The following AKAP19 variants were observed in gnomAD, a reference collection of about 807,000 sequenced individuals.
AKAP19 encodes A-kinase anchoring protein 19.
the AKAP19 span, among the ~76,000 whole-genome samples, chr2:189,919,944 C>T: frequency 1.3e-5 from 2 of 152,146 alleles, no homozygotes; most frequent in East Asian, 3.9e-4. Context: ...TGGCAAGTAG[C>T]AGCCTACACA....
chr2:189,885,163 C>G, the AKAP19 span, among the ~76,000 whole-genome samples: 1 of 152,166 alleles, frequency 6.6e-6, no homozygotes, highest in African/African-American at 2.4e-5. Context: ...TCTGTTCCTC[C>G]ACTCTCGAAT....
At chr2:190,047,569 T>C in the AKAP19 span, among the ~76,000 whole-genome samples, 1 of 152,230 alleles carries the variant, frequency 6.6e-6, no homozygotes, top group Non-Finnish European at 1.5e-5. Flanking sequence ...GAGAGAAGAT[T>C]ATGATTTATT....
the AKAP19 span, among the ~76,000 whole-genome samples, chr2:189,910,187 G>A: frequency 6.6e-6 from 1 of 151,916 alleles, no homozygotes; most frequent in Non-Finnish European, 1.5e-5. Context: ...TTACTTTAGA[G>A]CAAACATTAA....
the AKAP19 span, among the ~76,000 whole-genome samples, chr2:190,152,866 A>G: frequency 2.7e-5 from 4 of 148,626 alleles, no homozygotes; most frequent in Non-Finnish European, 4.5e-5. Context: ...GTCACTTGTT[A>G]TTATCGATGT....
chr2:190,199,541 AT>A, the AKAP19 span, among the ~76,000 whole-genome samples: 1 of 152,168 alleles, frequency 6.6e-6, no homozygotes, highest in Non-Finnish European at 1.5e-5. Context: ...TTATTGAGTG[AT>A]TATCTTTTTC....
chr2:189,987,442 C>T, the AKAP19 span, among the ~76,000 whole-genome samples: 2 of 152,186 alleles, frequency 1.3e-5, no homozygotes, highest in African/African-American at 2.4e-5. Context: ...AATTACACTG[C>T]CAATGGGTCT....
chr2:190,067,615 G>T, the AKAP19 span, among the ~76,000 whole-genome samples: 1 of 152,162 alleles, frequency 6.6e-6, no homozygotes, highest in Non-Finnish European at 1.5e-5. Context: ...CAGTTCTAGG[G>T]TATAGACTGA....
the AKAP19 span, among the ~76,000 whole-genome samples, chr2:190,175,297 T>C: frequency 6.6e-6 from 1 of 152,170 alleles, no homozygotes; most frequent in African/African-American, 2.4e-5. Context: ...TGCACATCAG[T>C]AAACTTAAAG....
chr2:190,013,659 G>A, the AKAP19 span, among the ~76,000 whole-genome samples: 1 of 152,002 alleles, frequency 6.6e-6, no homozygotes, highest in African/African-American at 2.4e-5. Flanking sequence ...GGGATTACAG[G>A]TGCCTGCCAC....
the AKAP19 span, among the ~76,000 whole-genome samples, chr2:189,947,553 T>C: frequency 6.6e-6 from 1 of 152,140 alleles, no homozygotes; most frequent in Non-Finnish European, 1.5e-5. Flanking sequence ...GGATGTGATC[T>C]TGGGCTAGCT....
the AKAP19 span, chr2:190,057,122 A>G: frequency 1.2e-6 from 1 of 856,360 alleles, no homozygotes; most frequent in Admixed American, 2.6e-5. Flanking sequence ...CTTTTAGTTT[A>G]CATACTGTAG....
At chr2:189,964,499 G>T in the AKAP19 span, among the ~76,000 whole-genome samples, 1 of 152,168 alleles carries the variant, frequency 6.6e-6, no homozygotes, top group Non-Finnish European at 1.5e-5. Flanking sequence ...CGCTTCTATA[G>T]CTTTAAAAGT....
chr2:189,941,111 T>C, the AKAP19 span, among the ~76,000 whole-genome samples: 1 of 152,182 alleles, frequency 6.6e-6, no homozygotes, highest in Non-Finnish European at 1.5e-5. Context: ...CTAACTGCCA[T>C]CCAATAATAC....
At chr2:190,091,512 T>C in the AKAP19 span, among the ~76,000 whole-genome samples, 371 of 148,656 alleles carry the variant, frequency 2.5e-3, 5 homozygotes, top group African/African-American at 8.7e-3. Context: ...AGAGAACTTA[T>C]TTGTATCAAA....
At chr2:190,123,548 G>A in the AKAP19 span, among the ~76,000 whole-genome samples, 10 of 152,212 alleles carry the variant, frequency 6.6e-5, no homozygotes, top group African/African-American at 2.2e-4. Context: ...TTTAATTTAA[G>A]TGCATTTTCA....
the AKAP19 span, among the ~76,000 whole-genome samples, chr2:190,038,913 C>A: frequency 1.8e-5 from 2 of 113,656 alleles, no homozygotes; most frequent in East Asian, 4.4e-4. Context: ...TCTTCTTCTT[C>A]TTCTTCTTCT....
the AKAP19 span, among the ~76,000 whole-genome samples, chr2:190,031,863 T>G: frequency 6.6e-6 from 1 of 152,310 alleles, no homozygotes; most frequent in East Asian, 1.9e-4. Flanking sequence ...TAAAAAAAAT[T>G]TCTGAATATG....
chr2:189,892,648 T>G, the AKAP19 span, among the ~76,000 whole-genome samples: 6 of 152,188 alleles, frequency 3.9e-5, no homozygotes, highest in African/African-American at 1.2e-4. Context: ...GCCAGAGCTC[T>G]CCTGTATGAG....
chr2:189,956,583 A>T, the AKAP19 span, among the ~76,000 whole-genome samples: 1 of 150,294 alleles, frequency 6.7e-6, no homozygotes, highest in Non-Finnish European at 1.5e-5. Context: ...ATAAGAACAT[A>T]TTAATTTTTT....
Sources: gnomAD v4.1 joint callset for allele counts (sites outside exome capture counted in the v4.1 genomes callset) on GRCh38, gnomAD v4.1.1 for gene constraint, MANE v1.5 for transcripts, NCBI Gene and HGNC (gene_info 2026-07-23, HGNC 2026-07-21) for gene names.